The following PEX26 variants were observed in gnomAD, a reference collection of about 807,000 sequenced individuals.
PEX26 encodes peroxisomal biogenesis factor 26, also known as peroxisome assembly protein 26.
A neutral mutation model predicts 31.4 loss-of-function variants in PEX26; 18 were observed. That is an observed-to-expected ratio of 0.57 (90% CI 0.40 to 0.85). The LOEUF is 0.85. Ranked by LOEUF, PEX26 falls within the 40% of genes least tolerant of loss-of-function variation. The pLI is 0.00. For synonymous variants in PEX26, 176 were observed against 166.9 expected, an observed-to-expected ratio of 1.05 and a Z score of -0.42; for missense variants, 377 against 383.9, an observed-to-expected ratio of 0.98 and a Z score of 0.15.
At position 18,089,561 on chromosome 22, in the gene PEX26, C is replaced by G. The variant is rs970039916; in HGVS notation, c.*1486C>G. On this transcript the variant is annotated 3_prime_UTR_variant, in exon 5 of 5. Transcript: ENST00000399744. Reference sequence around the variant, plus strand: ...AAGAAGGGCTTTCTGCAGGGGCTGGCCTTTCTCTACCCAGAGGCCAAGCAG... The same window carrying G: ...AAGAAGGGCTTTCTGCAGGGGCTGGGCTTTCTCTACCCAGAGGCCAAGCAG... 6 of 151,892 alleles carry G rather than the reference C, an allele frequency of 4.0e-5. No individual in the cohort carries two copies. The highest frequency in any genetic ancestry group is 1.5e-4 in the African/African-American group (6 of 41,242). 9.4% of individuals were successfully genotyped at this position (151,892 alleles called of 1,614,324 possible).
chr22:18,083,323 C>T (rs923038929), intron 2 of PEX26, 114 bp from the exon 3 acceptor site: 8 of 1,072,356 alleles, frequency 7.5e-6, no homozygotes, highest in African/African-American at 4.6e-5. Flanking sequence ...GGAAAGGGCT[C>T]GAGGACACAG....
At position 18,103,934 on chromosome 22, in the gene PEX26, T is replaced by A. The variant is rs181469394; in HGVS notation, c.*15859T>A. The A allele has an allele frequency of 6.6e-6, 1 of 152,270 alleles. No individual in the cohort carries two copies. The highest frequency in any genetic ancestry group is 2.4e-5 in the African/African-American group (1 of 41,542). 9.4% of individuals were successfully genotyped at this position (152,270 alleles called of 1,614,324 possible). Reference sequence around the variant, plus strand: ...TTCTGGGTTTTTCTCTTGGGCTGGTTTTTGAAAGTGGATCTACAACATTGA... The same window carrying A: ...TTCTGGGTTTTTCTCTTGGGCTGGTATTTGAAAGTGGATCTACAACATTGA... On this transcript the variant is annotated 3_prime_UTR_variant, in exon 5 of 5. Transcript: ENST00000399744.
At position 18,088,013 on chromosome 22, in the gene PEX26, C is replaced by T; in HGVS notation, c.856C>T (p.Leu286Phe). Residue 286 changes from leucine (L) to phenylalanine (F), a missense_variant, in exon 5 of 5, where the codon CTC becomes TTC. Transcript: ENST00000399744. The surrounding 1 kb of genome is among the most constrained non-coding windows in gnomAD (Gnocchi z 4.1). The stretch of plus-strand genomic sequence containing the variant: ...GCACTTCCTCTACAAGCTGGCCCAG[C>T]TCTTCCGCTGGATCCGGAAGGCTGC... Reference protein sequence around the residue: ...SLHFLYKLAQLFRWIRKAAFS... With the variant: ...SLHFLYKLAQFFRWIRKAAFS... 1 of 1,613,816 alleles carries T rather than the reference C, an allele frequency of 6.2e-7. No individual in the cohort carries two copies. Among genetic ancestry groups the T allele is most frequent in the Non-Finnish European group, 8.5e-7 (1 of 1,179,926 alleles).
rs1927245517 is a variant in PEX26 at position 18,094,835 on chromosome 22, C to CCT, written c.*6760_*6761insCT. 1.3e-5 allele frequency: 2 copies of CCT among 149,296 alleles called. No homozygotes were observed. The highest frequency in any genetic ancestry group is 5.0e-5 in the African/African-American group (2 of 40,236). 9.2% of individuals were successfully genotyped at this position (149,296 alleles called of 1,614,324 possible). On this transcript the variant is annotated 3_prime_UTR_variant, in exon 5 of 5. Coordinates refer to ENST00000399744, the MANE Select transcript of PEX26 (RefSeq NM_001127649.3). ...TGCTCTTGTCACCTAGGCTGGAGTGCAGTGGTGCGATCTCGGCTCACTGCA... is the reference window on the plus strand; with the variant it reads ...TGCTCTTGTCACCTAGGCTGGAGTGCCTAGTGGTGCGATCTCGGCTCACTGCA...
rs1556596390 is a variant in PEX26, at chr22:18,103,092, C to CACA, written c.*15018_*15019insCAA. 1 of 87,724 alleles carries CACA rather than the reference C, an allele frequency of 1.1e-5. No homozygotes were observed. The highest frequency in any genetic ancestry group is 2.2e-5 in the Non-Finnish European group (1 of 46,112). The allele number at this position is 87,724 out of a possible 1,614,324, so 5.4% of individuals were successfully genotyped here. ...TGGGCGACAGTGTGCGACTGCATCT[C>CACA]AAAAAAAAAAAAAAAAAAAAGGCAT... On this transcript the variant is annotated 3_prime_UTR_variant, in exon 5 of 5. Coordinates refer to ENST00000399744, the MANE Select transcript of PEX26 (RefSeq NM_001127649.3).
Position 18,078,103 on chromosome 22 carries a change from G to A in PEX26, c.-274G>A. On this transcript the variant is annotated 5_prime_UTR_variant, in exon 1 of 5. Transcript: ENST00000399744. ...AGCTGAGGCAGTTCCTGCACGTGTC[G>A]CGGGGCCGGAGAAGCTAGGGCCAGG... 1.6e-6 allele frequency: 1 copy of A among 614,946 alleles called. No individual in the cohort carries two copies. The highest frequency in any genetic ancestry group is 3.0e-6 in the Non-Finnish European group (1 of 329,666). The allele number at this position is 614,946 out of a possible 1,614,324, so 38.1% of individuals were successfully genotyped here. A position where few individuals can be genotyped will look rare whatever the true frequency, so the allele number is the denominator to read the frequency against.
rs747831264 is a variant in PEX26, at chr22:18,078,518, C to T, written c.142C>T (p.His48Tyr). 7.6e-6 allele frequency: 12 copies of T among 1,573,552 alleles called. No homozygotes were observed. In the South Asian group the frequency reaches 1.4e-4, roughly 18 times the overall value. The part of the protein sequence containing the change: ...LEEAADLLVV[H>Y]LDFRAALETC... ...GGAGGCGGCCGACCTCCTGGTGGTG[C>T]ACCTGGACTTCCGGGCGGCGCTGGA... is the stretch of plus-strand genomic sequence containing the variant. The change falls in exon 1 of 5, where the codon CAC (histidine) becomes TAC (tyrosine). Residue 48 changes from histidine to tyrosine, a missense_variant. His to Tyr is a moderately conservative substitution (Grantham distance 83). Coordinates refer to ENST00000399744, the MANE Select transcript of PEX26 (RefSeq NM_001127649.3).
In PEX26 at chr22:18,088,234, C is replaced by T. The variant is rs781762814; in HGVS notation, c.*159C>T. On this transcript the variant is annotated 3_prime_UTR_variant, in exon 5 of 5. Transcript: ENST00000399744. This position sits in a 1 kb window ranked among gnomAD's most constrained non-coding sequence, Gnocchi z 4.1. Reference sequence around the variant, plus strand: ...TGCCTGGGTGCCCTCTCCTTTGCACCCTACTTCGGCTGGTCGCGGTAGATG... The same window carrying T: ...TGCCTGGGTGCCCTCTCCTTTGCACTCTACTTCGGCTGGTCGCGGTAGATG... 4.3e-5 allele frequency: 31 copies of T among 720,938 alleles called. No individual in the cohort carries two copies. Among genetic ancestry groups the T allele is most frequent in the Non-Finnish European group, 7.8e-5 (31 of 395,626 alleles). 44.7% of individuals were successfully genotyped at this position (720,938 alleles called of 1,614,324 possible).
chr22:18,083,526 C>CA lies in PEX26; in HGVS notation c.462dup (p.Glu155ArgfsTer24). On this transcript the variant is annotated frameshift_variant, in exon 3 of 5. Coordinates refer to ENST00000399744, the MANE Select transcript of PEX26 (RefSeq NM_001127649.3). LOFTEE classifies it high-confidence loss of function. ...CAAGACCCAGCCAATCAAAACCTTC[C>CA]AGAATATGGAGCCTTGGCAGAATTT... 1.2e-6 allele frequency: 2 copies of CA among 1,614,096 alleles called. No homozygotes were observed. Among genetic ancestry groups the CA allele is most frequent in the East Asian group, 4.5e-5 (2 of 44,890 alleles).
Position 18,079,940 on chromosome 22 carries a change from G to T in PEX26, c.297G>T (p.Trp99Cys). The T allele has an allele frequency of 6.2e-7, 1 of 1,614,116 alleles. No homozygotes were observed. Among genetic ancestry groups the T allele is most frequent in the Non-Finnish European group, 8.5e-7 (1 of 1,180,002 alleles). The change falls in exon 2 of 5, where the codon TGG becomes TGT. Residue 99 changes from tryptophan (W) to cysteine (C), a missense_variant. Coordinates refer to ENST00000399744, the MANE Select transcript of PEX26 (RefSeq NM_001127649.3). ...GIQALAEMDRWQEVLSWVLQY... is the reference protein window; with the variant it reads ...GIQALAEMDRCQEVLSWVLQY... ...AGGCCCTGGCAGAAATGGATCGGTG[G>T]CAAGAAGTCCTCTCCTGGGTCCTTC...
At chr22:18,085,865 C>G (rs978845168) in intron 4 of PEX26, among the ~76,000 whole-genome samples, 4 of 151,838 alleles carry the variant, frequency 2.6e-5, no homozygotes, top group African/African-American at 9.7e-5. Flanking sequence ...GAGCGAGACT[C>G]TGTCTCAAAA....
At position 18,100,618 on chromosome 22, in the gene PEX26, A is replaced by C. The variant is rs1343488363; in HGVS notation, c.*12543A>C. The C allele has an allele frequency of 6.6e-6, 1 of 152,220 alleles. No individual in the cohort carries two copies. Among genetic ancestry groups the C allele is most frequent in the East Asian group, 1.9e-4 (1 of 5,208 alleles). 9.4% of individuals were successfully genotyped at this position (152,220 alleles called of 1,614,324 possible). On this transcript the variant is annotated 3_prime_UTR_variant, in exon 5 of 5. Transcript: ENST00000399744. The stretch of plus-strand genomic sequence containing the variant: ...AAAAAATCAAAGGTACACATTGGGA[A>C]TTGAACAGCTATGTTTTTTCTTCTT...
intron 4 of PEX26, among the ~76,000 whole-genome samples, chr22:18,086,468 A>G (rs532028576): frequency 1.3e-5 from 2 of 152,354 alleles, no homozygotes; most frequent in South Asian, 4.1e-4. Flanking sequence ...ATTCCAGTTC[A>G]CAGGAATGCC....
rs749689953 is a variant in PEX26, at chr22:18,098,346, A to T, written c.*10271A>T. On this transcript the variant is annotated 3_prime_UTR_variant, in exon 5 of 5. Transcript: ENST00000399744. ...TTTAATCTCGGGTCCAATTTTTCTC[A>T]CCTCCAAGATGGGGACAAAAATTAT... is the stretch of plus-strand genomic sequence containing the variant. The T allele has an allele frequency of 2.0e-5, 3 of 151,610 alleles. No individual in the cohort carries two copies. Among genetic ancestry groups the T allele is most frequent in the Non-Finnish European group, 4.4e-5 (3 of 67,910 alleles). The allele number at this position is 151,610 out of a possible 1,614,324, so 9.4% of individuals were successfully genotyped here. A position where few individuals can be genotyped will look rare whatever the true frequency, so the allele number is the denominator to read the frequency against.
Position 18,078,059 on chromosome 22 carries a change from A to C in PEX26, c.-318A>C. ...TGCCGGGAGGCGAGGTGAGTCTTTG[A>C]TCGTAACCAGGAGCCCGGAGCTGAG... On this transcript the variant is annotated 5_prime_UTR_variant, in exon 1 of 5. Coordinates refer to ENST00000399744, the MANE Select transcript of PEX26 (RefSeq NM_001127649.3). The C allele has an allele frequency of 1.9e-6, 1 of 534,108 alleles. No homozygotes were observed. The highest frequency in any genetic ancestry group is 1.5e-5 in the South Asian group (1 of 65,260). The allele number at this position is 534,108 out of a possible 1,614,324, so 33.1% of individuals were successfully genotyped here.
At position 18,099,780 on chromosome 22, in the gene PEX26, C is replaced by T. The variant is rs539725864; in HGVS notation, c.*11705C>T. Reference sequence around the variant, plus strand: ...CAGCTTCTGCTGGCTCTAAGTGTTCCCTGGCCTGCGACAGCATCACTCCAA... The same window carrying T: ...CAGCTTCTGCTGGCTCTAAGTGTTCTCTGGCCTGCGACAGCATCACTCCAA... On this transcript the variant is annotated 3_prime_UTR_variant, in exon 5 of 5. Coordinates refer to ENST00000399744, the MANE Select transcript of PEX26 (RefSeq NM_001127649.3). The T allele has an allele frequency of 6.8e-4, 103 of 152,320 alleles. No homozygotes were observed. The highest frequency in any genetic ancestry group is 2.4e-3 in the African/African-American group (98 of 41,566). 9.4% of individuals were successfully genotyped at this position (152,320 alleles called of 1,614,324 possible).
At chr22:18,082,376 G>A (rs1351761975) in intron 2 of PEX26, among the ~76,000 whole-genome samples, 1 of 152,162 alleles carries the variant, frequency 6.6e-6, no homozygotes, top group African/African-American at 2.4e-5. Context: ...TCCATTTTGA[G>A]TTAATTTTTG....
rs5747471 is a variant in PEX26 at position 18,103,810 on chromosome 22, C to G, written c.*15735C>G. 2.8e-4 allele frequency: 43 copies of G among 152,268 alleles called. No homozygotes were observed. The highest frequency in any genetic ancestry group is 9.4e-4 in the African/African-American group (39 of 41,436). 9.4% of individuals were successfully genotyped at this position (152,268 alleles called of 1,614,324 possible). Reference sequence around the variant, plus strand: ...CACATGCACCACCACCAACTTTTTGCTATTGTGAATAACATAGCTGTAAAC... The same window carrying G: ...CACATGCACCACCACCAACTTTTTGGTATTGTGAATAACATAGCTGTAAAC... On this transcript the variant is annotated 3_prime_UTR_variant, in exon 5 of 5. Transcript: ENST00000399744.
rs1927335365 is a variant in PEX26, at chr22:18,097,605, A to G, written c.*9530A>G. 6.6e-6 allele frequency: 1 copy of G among 152,272 alleles called. No homozygotes were observed. The highest frequency in any genetic ancestry group is 2.1e-4 in the South Asian group (1 of 4,814). The allele number at this position is 152,272 out of a possible 1,614,324, so 9.4% of individuals were successfully genotyped here. A position where few individuals can be genotyped will look rare whatever the true frequency, so the allele number is the denominator to read the frequency against. The stretch of plus-strand genomic sequence containing the variant: ...ATTTACTCTTCCAGAGGTAAATTTA[A>G]TACACCAATACAAAACCAGTATGGA... On this transcript the variant is annotated 3_prime_UTR_variant, in exon 5 of 5. Coordinates refer to ENST00000399744, the MANE Select transcript of PEX26 (RefSeq NM_001127649.3).
Sources: gnomAD v4.1 joint callset for allele counts (sites outside exome capture counted in the v4.1 genomes callset) on GRCh38, gnomAD v4.1.1 for gene constraint, Gnocchi (gnomAD v3.1) non-coding constraint, MANE v1.5 for transcripts, NCBI Gene and HGNC (gene_info 2026-07-23, HGNC 2026-07-21) for gene names.